Variants in MTDH observed in about 807,000 individuals in gnomAD.
MTDH encodes the protein protein LYRIC.
Under a neutral mutation model 72.7 loss-of-function variants are expected in MTDH, and 34 were observed. The observed-to-expected ratio is 0.47, with a 90% CI of 0.36 to 0.62. The LOEUF is 0.62. Among genes scored for constraint, MTDH ranks in the 20% least tolerant of loss-of-function variants. The pLI, the probability that MTDH is intolerant of heterozygous loss-of-function variation, is 0.00. For synonymous variants in MTDH, 266 were observed against 268.9 expected (o/e 0.99, Z 0.10); for missense variants, 677 against 699.4 (o/e 0.97, Z 0.36).
intron 10 of MTDH, among the ~76,000 whole-genome samples, chr8:97,722,447 A>G (rs1029204998): frequency 2.0e-5 from 3 of 151,972 alleles, no homozygotes; most frequent in African/African-American, 7.2e-5. Context: ...TAAAAACACA[A>G]AAAAAATAGC....
intron 1 of MTDH, among the ~76,000 whole-genome samples, chr8:97,657,000 T>C (rs565233553): frequency 6.6e-6 from 1 of 151,746 alleles, no homozygotes; most frequent in African/African-American, 2.4e-5. Context: ...AAAAAAGTTA[T>C]GGAATTGTAT....
rs367823011 is a variant in MTDH at position 97,713,621 on chromosome 8, A to T, written c.1273-41A>T. ...ATAATTTTCTAAATAATGGACACAT[A>T]ACCATTTGGTTCTCTTTAATATTTT... On this transcript the variant is annotated intron_variant, in intron 8 of 11. Coordinates refer to ENST00000336273, the MANE Select transcript of MTDH (RefSeq NM_178812.4). 6 of 1,159,644 alleles carry T rather than the reference A, an allele frequency of 5.2e-6. 1 individual carries two copies. The South Asian group carries it at 8.6e-5, about 17-fold the overall frequency. 71.8% of individuals were successfully genotyped at this position (1,159,644 alleles called of 1,614,324 possible).
intron 1 of MTDH, among the ~76,000 whole-genome samples, chr8:97,659,055 A>C (rs1812079202): frequency 6.6e-6 from 1 of 152,066 alleles, no homozygotes; most frequent in South Asian, 2.1e-4. Context: ...AGGCAGGAGA[A>C]TCGCTTGAAT....
intron 9 of MTDH, among the ~76,000 whole-genome samples, chr8:97,714,022 TATATA>T (rs1273889466): frequency 2.0e-5 from 3 of 152,200 alleles, no homozygotes; most frequent in African/African-American, 7.2e-5. Flanking sequence ...ATTTTTTTAT[TATATA>T]ATGGTGAAAT....
At chr8:97,648,775 C>T (rs1811657887) in intron 1 of MTDH, among the ~76,000 whole-genome samples, 1 of 152,140 alleles carries the variant, frequency 6.6e-6, no homozygotes, top group Admixed American at 6.5e-5. Context: ...ATAGTGTTTC[C>T]TTTTGTTTGC....
At chr8:97,719,492 CA>C (rs11383714) in intron 10 of MTDH, among the ~76,000 whole-genome samples, 199 of 79,920 alleles carry the variant, frequency 2.5e-3, no homozygotes, top group Middle Eastern at 0.012. Flanking sequence ...GACACTGTCT[CA>C]AAAAAAAAAA....
At chr8:97,697,955 ATATAT>A (rs1813939180) in intron 6 of MTDH, among the ~76,000 whole-genome samples, 1 of 152,186 alleles carries the variant, frequency 6.6e-6, no homozygotes, top group Admixed American at 6.5e-5. Context: ...TAAGCAGCTA[ATATAT>A]TAATACATGT....
rs758483757 is a variant in MTDH, at chr8:97,725,863, A to G, written c.*1193A>G. On this transcript the variant is annotated 3_prime_UTR_variant, in exon 12 of 12. Coordinates refer to ENST00000336273, the MANE Select transcript of MTDH (RefSeq NM_178812.4). ...CTGGCAGGTATCTTTGTAACTATAA[A>G]TAGTGCATGCTCAGCCATGTACACT... 9 of 152,646 alleles carry G rather than the reference A, an allele frequency of 5.9e-5. No homozygotes were observed. The highest frequency in any genetic ancestry group is 8.8e-5 in the Non-Finnish European group (6 of 68,046). 9.5% of individuals were successfully genotyped at this position (152,646 alleles called of 1,614,324 possible).
In MTDH at chr8:97,691,167, C is replaced by G. The variant is rs749672535; in HGVS notation, c.1027C>G (p.Arg343Gly). 6.2e-6 allele frequency: 10 copies of G among 1,602,340 alleles called. No homozygotes were observed. The Admixed American group carries it at 6.8e-5, about 11-fold the overall frequency. ...AGACTGGGGAAGGAGTTGGAGTGAC[C>G]GTTCAATATTTTCTGGCATTGGTAA... ...GKDWGRSWSD[R>G]SIFSGIGSTA... is the part of the protein sequence containing the mutation. The change falls in exon 6 of 12, where the codon CGT becomes GGT. Residue 343 changes from arginine (R) to glycine (G), a missense_variant. By Grantham distance (125) the Arg-to-Gly change is moderately radical. This residue lies in a region of MTDH where 467 missense variants were observed against 469.1 expected (regional missense o/e 1.00). Transcript: ENST00000336273.
chr8:97,681,498 T>C (rs1388699459), intron 2 of MTDH, among the ~76,000 whole-genome samples: 7 of 148,758 alleles, frequency 4.7e-5, no homozygotes, highest in African/African-American at 1.5e-4. Context: ...TTTCTTTTTT[T>C]TTTTTTTTTT....
chr8:97,670,852 G>T lies in MTDH; in HGVS notation c.483+9679G>T, dbSNP rs561839229. On this transcript the variant is annotated intron_variant, in intron 2 of 11. Coordinates refer to ENST00000336273, the MANE Select transcript of MTDH (RefSeq NM_178812.4). ...GGTCACTGCAACCTCCGCCACCTGG[G>T]TTCGAGTGATTCTCCTGCCTCAGCC... Among the ~76,000 whole-genome samples the T allele has an allele frequency of 3.3e-5, 5 of 151,946 alleles. No individual in the cohort carries two copies. The East Asian group carries it at 9.7e-4, about 29-fold the overall frequency.
intron 2 of MTDH, among the ~76,000 whole-genome samples, chr8:97,665,855 G>A (rs566606916): frequency 7.2e-5 from 11 of 152,234 alleles, no homozygotes; most frequent in Non-Finnish European, 1.0e-4. Context: ...GGCCGGGCGC[G>A]GTGGCTCACG....
intron 2 of MTDH, among the ~76,000 whole-genome samples, chr8:97,682,560 C>G (rs1813179734): frequency 6.6e-6 from 1 of 151,420 alleles, no homozygotes; most frequent in Admixed American, 6.6e-5. Context: ...CTTGGCCTCC[C>G]AAAGTGCTGG....
intron 11 of MTDH, 46 bp from the exon 12 acceptor site, chr8:97,724,554 C>A: frequency 2.3e-6 from 3 of 1,321,796 alleles, no homozygotes; most frequent in Non-Finnish European, 3.2e-6. Flanking sequence ...ACAGTATTTA[C>A]CATCCTCCTA....
At chr8:97,683,206 A>G (rs2130990958) in intron 2 of MTDH, among the ~76,000 whole-genome samples, 2 of 151,234 alleles carry the variant, frequency 1.3e-5, no homozygotes, top group African/African-American at 4.8e-5. Context: ...CTGGGACTAC[A>G]GGCACGTGCC....
intron 10 of MTDH, 95 bp downstream of exon 10, chr8:97,719,284 G>A: frequency 7.6e-7 from 1 of 1,313,992 alleles, no homozygotes; most frequent in African/African-American, 1.5e-5. Flanking sequence ...CATGAGGTCA[G>A]GAGTTCAAGA....
chr8:97,698,673 C>G lies in MTDH; in HGVS notation c.1049-1081C>G, dbSNP rs554856207. Among the ~76,000 whole-genome samples, 4 of 152,346 alleles carry G rather than the reference C, an allele frequency of 2.6e-5. No homozygotes were observed. In the East Asian group the frequency reaches 7.7e-4, roughly 29 times the overall value. Reference sequence around the variant, plus strand: ...CCTCTCTAGATAACCACCTATTTCTCTAATGTTTCTTAGCCAAAAGATGCT... The same window carrying G: ...CCTCTCTAGATAACCACCTATTTCTGTAATGTTTCTTAGCCAAAAGATGCT... On this transcript the variant is annotated intron_variant, in intron 6 of 11. Coordinates refer to ENST00000336273, the MANE Select transcript of MTDH (RefSeq NM_178812.4).
chr8:97,685,243 TATAC>T (rs1489957131), intron 2 of MTDH, among the ~76,000 whole-genome samples: 1 of 151,878 alleles, frequency 6.6e-6, no homozygotes, highest in African/African-American at 2.4e-5. Context: ...GTATATTAAT[TATAC>T]ATACTGTAAT....
intron 9 of MTDH, 47 bp from the exon 10 acceptor site, chr8:97,719,002 G>C: frequency 6.6e-7 from 1 of 1,505,424 alleles, no homozygotes; most frequent in Non-Finnish European, 9.0e-7. Context: ...TTTAATTAAT[G>C]AAGAATGAAT....
Sources: allele counts gnomAD v4.1 joint callset (sites outside exome capture counted in the v4.1 genomes callset), GRCh38; gene constraint gnomAD v4.1.1; regional missense constraint gnomAD v4.1.1; transcripts MANE v1.5; gene names NCBI Gene and HGNC (gene_info 2026-07-23, HGNC 2026-07-21).